Variants in INPP4B observed in about 807,000 individuals in gnomAD.
INPP4B encodes inositol polyphosphate-4-phosphatase type II B, also known as inositol polyphosphate 4-phosphatase type II.
INPP4B carries 55 observed loss-of-function variants against 122.5 expected under a neutral mutation model. The observed-to-expected ratio is 0.45, with a 90% CI of 0.36 to 0.56. INPP4B has a LOEUF of 0.56. INPP4B is among the 20% of genes least tolerant of loss of function. INPP4B has a pLI of 0.00. For synonymous variants in INPP4B, 403 were observed against 388.7 expected (o/e 1.04, Z -0.43); for missense variants, 1,000 against 1,097.7 (o/e 0.91, Z 1.26).
chr4:142,067,991 A>G (rs893887483), intron 25 of INPP4B, among the ~76,000 whole-genome samples: 1 of 152,188 alleles, frequency 6.6e-6, no homozygotes, highest in Non-Finnish European at 1.5e-5. Flanking sequence ...TGCCACAAAG[A>G]TACTCCTCGA....
intron 15 of INPP4B, among the ~76,000 whole-genome samples, chr4:142,178,174 G>C (rs1014657984): frequency 1.3e-5 from 2 of 152,120 alleles, no homozygotes; most frequent in Non-Finnish European, 2.9e-5. Context: ...GATTATGGCA[G>C]GTCCATTTAA....
intron 3 of INPP4B, among the ~76,000 whole-genome samples, chr4:142,460,240 G>C (rs1296421265): frequency 6.6e-6 from 1 of 152,170 alleles, no homozygotes; most frequent in Non-Finnish European, 1.5e-5. Flanking sequence ...AGTCACACTA[G>C]AAACAAGTAA....
At chr4:142,820,298 T>C (rs1404079146) in intron 1 of INPP4B, among the ~76,000 whole-genome samples, 1 of 152,068 alleles carries the variant, frequency 6.6e-6, no homozygotes, top group Admixed American at 6.6e-5. Context: ...GGAGAGTGAA[T>C]GAGCTCTTGC....
chr4:142,070,864 A>G (rs2152483071), intron 25 of INPP4B, among the ~76,000 whole-genome samples: 1 of 152,320 alleles, frequency 6.6e-6, no homozygotes, highest in Admixed American at 6.5e-5. Context: ...AGAACATTCC[A>G]TGCTCATGGA....
chr4:142,751,810 CATT>C (rs1410131484), intron 1 of INPP4B, among the ~76,000 whole-genome samples: 1 of 151,998 alleles, frequency 6.6e-6, no homozygotes, highest in African/African-American at 2.4e-5. Flanking sequence ...TTTTTTCAAT[CATT>C]AAACCATATC....
intron 14 of INPP4B, among the ~76,000 whole-genome samples, chr4:142,206,401 G>A (rs1561480149): frequency 6.8e-6 from 1 of 146,154 alleles, no homozygotes; most frequent in Non-Finnish European, 1.5e-5. Flanking sequence ...AGTTCGTAGT[G>A]AATAAGACCT....
chr4:142,629,447 G>T (rs973985012), intron 2 of INPP4B, among the ~76,000 whole-genome samples: 3 of 152,054 alleles, frequency 2.0e-5, no homozygotes, highest in Non-Finnish European at 4.4e-5. Context: ...GATTTAGGAA[G>T]GAGAGATTGT....
intron 10 of INPP4B, among the ~76,000 whole-genome samples, chr4:142,270,084 G>C (rs975180236): frequency 7.2e-5 from 11 of 152,138 alleles, no homozygotes; most frequent in Non-Finnish European, 1.3e-4. Context: ...ATATTTATAT[G>C]CATCAGGCCT....
intron 25 of INPP4B, among the ~76,000 whole-genome samples, chr4:142,041,623 A>ACT (rs200431456): frequency 0.02 from 2,985 of 152,070 alleles, 103 homozygotes; most frequent in African/African-American, 0.069. Context: ...CATCTCAAAT[A>ACT]ATACTACTAC....
chr4:142,730,899 T>C (rs1468666486), intron 1 of INPP4B, among the ~76,000 whole-genome samples: 1 of 152,222 alleles, frequency 6.6e-6, no homozygotes, highest in Non-Finnish European at 1.5e-5. Flanking sequence ...ATAATATCCT[T>C]CCATGTCCTA....
At chr4:142,341,522 C>A (rs561649837) in intron 7 of INPP4B, among the ~76,000 whole-genome samples, 1 of 152,060 alleles carries the variant, frequency 6.6e-6, no homozygotes, top group Non-Finnish European at 1.5e-5. Context: ...ATGACTCCCC[C>A]GGCAACCCCA....
intron 1 of INPP4B, among the ~76,000 whole-genome samples, chr4:142,845,192 C>G (rs1341418821): frequency 1.3e-5 from 2 of 152,148 alleles, no homozygotes; most frequent in African/African-American, 2.4e-5. Flanking sequence ...CTTCCTCACC[C>G]TCTTGTCCCC....
chr4:142,090,673 C>T (rs1449867601), intron 23 of INPP4B, among the ~76,000 whole-genome samples: 1 of 151,636 alleles, frequency 6.6e-6, no homozygotes, highest in Non-Finnish European at 1.5e-5. Flanking sequence ...GACAGGGCAG[C>T]TGAGTCTCTA....
intron 2 of INPP4B, among the ~76,000 whole-genome samples, chr4:142,698,498 A>G (rs982283624): frequency 4.6e-5 from 7 of 152,100 alleles, no homozygotes; most frequent in Admixed American, 2.0e-4. Flanking sequence ...GTCACTACCA[A>G]TATCTGGACT....
intron 1 of INPP4B, among the ~76,000 whole-genome samples, chr4:142,843,374 A>T (rs1341194099): frequency 6.6e-6 from 1 of 151,950 alleles, no homozygotes; most frequent in African/African-American, 2.4e-5. Flanking sequence ...AACATTTTTT[A>T]AAAGTATTAA....
At chr4:142,748,526 A>G (rs1769141600) in intron 1 of INPP4B, among the ~76,000 whole-genome samples, 1 of 152,014 alleles carries the variant, frequency 6.6e-6, no homozygotes, top group Admixed American at 6.6e-5. Flanking sequence ...TGTAAAAATT[A>G]ATAATTAAAG....
chr4:142,843,839 A>C (rs1783857009), intron 1 of INPP4B, among the ~76,000 whole-genome samples: 1 of 152,070 alleles, frequency 6.6e-6, no homozygotes, highest in South Asian at 2.1e-4. Flanking sequence ...AAGGTAGTGA[A>C]AGTTAACTTT....
chr4:142,040,615 A>C (rs1056846975), intron 25 of INPP4B, among the ~76,000 whole-genome samples: 2 of 152,194 alleles, frequency 1.3e-5, no homozygotes, highest in Non-Finnish European at 2.9e-5. Flanking sequence ...TAAATAGGGG[A>C]TTTCTACAAA....
At chr4:142,245,320 T>G (rs946960828) in intron 11 of INPP4B, among the ~76,000 whole-genome samples, 1 of 152,188 alleles carries the variant, frequency 6.6e-6, no homozygotes. Context: ...ATTGCCTAGA[T>G]TTTCTTCCAA....
Sources: gnomAD v4.1 joint callset for allele counts (sites outside exome capture counted in the v4.1 genomes callset) on GRCh38, gnomAD v4.1.1 for gene constraint, MANE v1.5 for transcripts, NCBI Gene and HGNC (gene_info 2026-07-23, HGNC 2026-07-21) for gene names.